SEC63: variants seen among roughly 807,000 people sequenced by gnomAD.
SEC63 encodes the protein SEC63 protein translocation regulator.
Under a neutral mutation model 116.2 loss-of-function variants are expected in SEC63, and 56 were observed. The observed-to-expected ratio is 0.48, with a 90% confidence interval of 0.39 to 0.60. SEC63 has a LOEUF of 0.60. SEC63 is among the 20% of genes least tolerant of loss of function. The pLI is 0.00. For synonymous variants in SEC63, 273 were observed against 294.6 expected (o/e 0.93, Z 0.75); for missense variants, 668 against 900.0 (o/e 0.74, Z 3.30).
chr6:107,883,735 A>G (rs1356476845), intron 16 of SEC63, among the ~76,000 whole-genome samples: 1 of 151,446 alleles, frequency 6.6e-6, no homozygotes, highest in Non-Finnish European at 1.5e-5. Flanking sequence ...TGAGCCCAGG[A>G]GTTTAAGGCT....
At chr6:107,899,268 T>C (rs988486178) in intron 13 of SEC63, among the ~76,000 whole-genome samples, 1 of 152,198 alleles carries the variant, frequency 6.6e-6, no homozygotes, top group Non-Finnish European at 1.5e-5. Flanking sequence ...AGCACTATTA[T>C]TACATAATTA....
At chr6:107,938,247 A>ACTT in intron 1 of SEC63, among the ~76,000 whole-genome samples, 1 of 133,980 alleles carries the variant, frequency 7.5e-6, no homozygotes, top group Admixed American at 8.0e-5. Context: ...TGGTGAGTTA[A>ACTT]TTTTTTTTTT....
chr6:107,893,753 T>A (rs1786747490), intron 15 of SEC63, 85 bp downstream of exon 15: 3 of 1,592,990 alleles, frequency 1.9e-6, no homozygotes, highest in African/African-American at 2.7e-5. Flanking sequence ...TGAATTACTC[T>A]CCCAGAGCAA....
chr6:107,957,833 G>T, intron 1 of SEC63, 53 bp downstream of exon 1: 2 of 1,539,670 alleles, frequency 1.3e-6, no homozygotes, highest in Non-Finnish European at 1.7e-6. Context: ...GCAGGGCCTG[G>T]GGGCGCTGGC....
intron 1 of SEC63, chr6:107,954,865 C>T (rs1402317526): frequency 1.3e-5 from 2 of 152,164 alleles, no homozygotes; most frequent in Non-Finnish European, 2.9e-5. Flanking sequence ...AGAAAAAAGT[C>T]CAAGTGGTGC....
Position 107,921,921 on chromosome 6 carries a change from C to CGGGG in SEC63, c.340-13_340-12insCCCC, listed in dbSNP as rs1554237230. 10,041 of 83,004 alleles carry CGGGG rather than the reference C, an allele frequency of 0.12. 374 individuals carry two copies. The highest frequency in any genetic ancestry group is 0.27 in the African/African-American group (2,639 of 9,612). 5.1% of individuals were successfully genotyped at this position (83,004 alleles called of 1,614,324 possible). A position where few individuals can be genotyped will look rare whatever the true frequency, so the allele number is the denominator to read the frequency against. On this transcript the variant is annotated splice_polypyrimidine_tract_variant and intron_variant, in intron 3 of 20. Coordinates refer to ENST00000369002, the MANE Select transcript of SEC63 (RefSeq NM_007214.5). ...GCTACTGTGGCTCCCTGGGGAAAAACAAAAAAAAAAAACAAGCTTTCTGTT... is the reference window on the plus strand; with the variant it reads ...GCTACTGTGGCTCCCTGGGGAAAAACGGGGAAAAAAAAAAAACAAGCTTTCTGTT...
chr6:107,911,262 T>C (rs768180579), intron 7 of SEC63, 84 bp downstream of exon 7: 3 of 912,318 alleles, frequency 3.3e-6, no homozygotes, highest in South Asian at 1.4e-5. Context: ...TATTCTAACA[T>C]ACATTTAAAA....
intron 14 of SEC63, among the ~76,000 whole-genome samples, chr6:107,896,871 C>A (rs560567553): frequency 6.6e-6 from 1 of 151,466 alleles, no homozygotes; most frequent in African/African-American, 2.4e-5. Flanking sequence ...CCCAGCTACT[C>A]GGGAGGCTGA....
chr6:107,872,298 G>A (rs1290755402), intron 20 of SEC63, among the ~76,000 whole-genome samples: 1 of 152,000 alleles, frequency 6.6e-6, no homozygotes, highest in African/African-American at 2.4e-5. Context: ...CGCATTTACT[G>A]GCTACTTTTA....
intron 13 of SEC63, among the ~76,000 whole-genome samples, chr6:107,899,998 G>C (rs572541112): frequency 1.2e-4 from 19 of 152,172 alleles, no homozygotes; most frequent in South Asian, 4.2e-4. Flanking sequence ...TTCCCAATTA[G>C]AATTCCTATT....
chr6:107,904,073 G>A lies in SEC63; in HGVS notation c.1054+556C>T, dbSNP rs1412494689. 9.0e-5 allele frequency among the ~76,000 whole-genome samples: 12 copies of A among 133,506 alleles called. No homozygotes were observed. In the East Asian group the frequency reaches 2.6e-3, roughly 29 times the overall value. The allele number at this position is 133,506 out of a possible 152,430, so 87.6% of individuals were successfully genotyped here. On this transcript the variant is annotated intron_variant, in intron 11 of 20. Coordinates refer to ENST00000369002, the MANE Select transcript of SEC63 (RefSeq NM_007214.5). Reference sequence around the variant, plus strand: ...GCGGAGGTTGCAGTGAGCCAAGATCGCGCCACTGCACTCCAGCCTAGGCGA... The same window carrying A: ...GCGGAGGTTGCAGTGAGCCAAGATCACGCCACTGCACTCCAGCCTAGGCGA...
chr6:107,920,827 G>A (rs1021812480), intron 4 of SEC63, among the ~76,000 whole-genome samples: 1 of 152,140 alleles, frequency 6.6e-6, no homozygotes, highest in East Asian at 1.9e-4. Flanking sequence ...CTTCCCAAAA[G>A]GGTGCACAAA....
chr6:107,950,145 A>C (rs944927044), intron 1 of SEC63, among the ~76,000 whole-genome samples: 1 of 152,212 alleles, frequency 6.6e-6, no homozygotes, highest in Non-Finnish European at 1.5e-5. Context: ...GGTGACTATA[A>C]GACAAAATAG....
At chr6:107,920,425 CAAAAAAA>C (rs34816965) in intron 4 of SEC63, among the ~76,000 whole-genome samples, 1 of 73,392 alleles carries the variant, frequency 1.4e-5, no homozygotes, top group African/African-American at 5.5e-5. Flanking sequence ...GACTCCGTCT[CAAAAAAA>C]AAAAAAAAAA....
intron 16 of SEC63, among the ~76,000 whole-genome samples, chr6:107,890,660 G>C (rs1434669984): frequency 2.0e-5 from 3 of 152,144 alleles, no homozygotes; most frequent in Non-Finnish European, 4.4e-5. Flanking sequence ...TTTCTTCACA[G>C]CATTGACAGT....
chr6:107,887,208 G>C (rs527518234), intron 16 of SEC63, among the ~76,000 whole-genome samples: 39 of 150,850 alleles, frequency 2.6e-4, no homozygotes, highest in Admixed American at 2.4e-3. Flanking sequence ...CAGGGATCTA[G>C]AACTGGAAAT....
intron 6 of SEC63, 82 bp downstream of exon 6, chr6:107,912,634 C>T (rs537174163): frequency 2.5e-6 from 2 of 803,144 alleles, no homozygotes; most frequent in Non-Finnish European, 4.4e-6. Flanking sequence ...TGTAATAGTT[C>T]TTCTTGTATT....
At chr6:107,890,465 T>G (rs1786654182) in intron 16 of SEC63, among the ~76,000 whole-genome samples, 1 of 152,224 alleles carries the variant, frequency 6.6e-6, no homozygotes, top group South Asian at 2.1e-4. Flanking sequence ...TGTGTGTCTT[T>G]TCACGTGAGA....
chr6:107,948,374 G>A (rs184721631), intron 1 of SEC63, among the ~76,000 whole-genome samples: 4 of 152,244 alleles, frequency 2.6e-5, no homozygotes, highest in Admixed American at 6.5e-5. Flanking sequence ...CCTCTAGGAC[G>A]CAGTTTTCTC....
Sources: gnomAD v4.1 joint callset for allele counts (sites outside exome capture counted in the v4.1 genomes callset) on GRCh38, gnomAD v4.1.1 for gene constraint, MANE v1.5 for transcripts, NCBI Gene and HGNC (gene_info 2026-07-23, HGNC 2026-07-21) for gene names.